The following ADAMTS12 variants were observed in gnomAD, a reference collection of about 807,000 sequenced individuals.
The protein encoded by ADAMTS12 is ADAM metallopeptidase with thrombospondin type 1 motif 12, also known as A disintegrin and metalloproteinase with thrombospondin motifs 12.
Under a neutral mutation model 167.8 loss-of-function variants are expected in ADAMTS12, and 118 were observed. The ratio of observed to expected loss-of-function variants is 0.70; its 90% CI spans 0.61 to 0.82. ADAMTS12 has a LOEUF of 0.82. Among genes scored for constraint, ADAMTS12 ranks in the 40% least tolerant of loss-of-function variants. The probability of loss-of-function intolerance (pLI) is 0.00; values close to 1 mark genes in which losing one functional copy is unlikely to be tolerated. For synonymous variants in ADAMTS12, 704 were observed against 716.9 expected, an observed-to-expected ratio of 0.98 and a Z score of 0.29; for missense variants, 1,916 against 1,998.8, an observed-to-expected ratio of 0.96 and a Z score of 0.79.
At chr5:33,756,584 C>CCGGGAAGATTTCACCCAGCACA (rs2112400548) in intron 2 of ADAMTS12, among the ~76,000 whole-genome samples, 1 of 152,204 alleles carries the variant, frequency 6.6e-6, no homozygotes, top group African/African-American at 2.4e-5. Flanking sequence ...AGTAGGACCA[C>CCGGGAAGATTTCACCCAGCACA]CGGGAAGATT....
At chr5:33,632,752 T>C (rs1426861923) in intron 12 of ADAMTS12, among the ~76,000 whole-genome samples, 1 of 152,170 alleles carries the variant, frequency 6.6e-6, no homozygotes, top group Admixed American at 6.5e-5. Flanking sequence ...AAGACTTTGG[T>C]TTAAACTTTA....
intron 3 of ADAMTS12, 126 bp from the exon 4 acceptor site, chr5:33,684,181 C>G (rs913542270): frequency 8.0e-5 from 54 of 674,264 alleles, no homozygotes; most frequent in Non-Finnish European, 1.0e-4. Flanking sequence ...AATGTTTTTA[C>G]GTACATAACC....
intron 3 of ADAMTS12, among the ~76,000 whole-genome samples, chr5:33,736,283 G>A (rs886665510): frequency 2.0e-5 from 3 of 152,014 alleles, no homozygotes; most frequent in East Asian, 1.9e-4. Flanking sequence ...GGCTGGTCTC[G>A]AACTCCTGAC....
Position 33,549,350 on chromosome 5 carries a change from G to C in ADAMTS12, c.4159C>G (p.Arg1387Gly). 2 of 1,614,060 alleles carry C rather than the reference G, an allele frequency of 1.2e-6. No individual in the cohort carries two copies. The highest frequency in any genetic ancestry group is 1.1e-5 in the South Asian group (1 of 91,080). ...SRNCSGGFKIREIQCVDSRDH... is the reference protein window; with the variant it reads ...SRNCSGGFKIGEIQCVDSRDH... ...CGGCTGTCCACGCACTGAATCTCGC[G>C]TATCTTGAAGCCCCCACTGCAGTTT... is the stretch of plus-strand genomic sequence containing the variant. Residue 1387 changes from arginine to glycine, a missense_variant, in exon 21 of 24, where the codon CGC (arginine) becomes GGC (glycine). Physicochemically the swap from Arg to Gly is moderately radical, Grantham distance 125. Coordinates refer to ENST00000504830, the MANE Select transcript of ADAMTS12 (RefSeq NM_030955.4).
At chr5:33,573,873 C>T (rs1206065422) in intron 19 of ADAMTS12, among the ~76,000 whole-genome samples, 1 of 152,170 alleles carries the variant, frequency 6.6e-6, no homozygotes, top group African/African-American at 2.4e-5. Flanking sequence ...TATCCAGAAT[C>T]TACAATGAAC....
chr5:33,756,322 T>C (rs1579909350), intron 2 of ADAMTS12, among the ~76,000 whole-genome samples: 1 of 152,320 alleles, frequency 6.6e-6, no homozygotes, highest in East Asian at 1.9e-4. Flanking sequence ...ATGGGTGCTA[T>C]GGATTCCAGC....
chr5:33,557,672 T>C (rs564211461), intron 20 of ADAMTS12, among the ~76,000 whole-genome samples: 1 of 152,040 alleles, frequency 6.6e-6, no homozygotes, highest in African/African-American at 2.4e-5. Context: ...TAATCAAGAT[T>C]TAAGTTAATA....
chr5:33,563,233 G>A (rs1426571624), intron 19 of ADAMTS12, among the ~76,000 whole-genome samples: 4 of 152,098 alleles, frequency 2.6e-5, no homozygotes, highest in African/African-American at 7.2e-5. Flanking sequence ...TAGCACTAAT[G>A]GCCTGCATCG....
intron 16 of ADAMTS12, among the ~76,000 whole-genome samples, chr5:33,602,061 A>C (rs1209179810): frequency 6.6e-6 from 1 of 152,188 alleles, no homozygotes; most frequent in East Asian, 1.9e-4. Context: ...CACAGCTCTC[A>C]TGGGTTAACA....
chr5:33,708,551 G>A (rs1743278632), intron 3 of ADAMTS12, among the ~76,000 whole-genome samples: 2 of 152,170 alleles, frequency 1.3e-5, no homozygotes, highest in Non-Finnish European at 2.9e-5. Context: ...CAACCCAAGT[G>A]CCTATCAATG....
chr5:33,705,362 C>T (rs948892844), intron 3 of ADAMTS12, among the ~76,000 whole-genome samples: 2 of 150,648 alleles, frequency 1.3e-5, no homozygotes, highest in African/African-American at 4.9e-5. Flanking sequence ...TTGCCTTTGC[C>T]CAATTTTTAA....
intron 18 of ADAMTS12, among the ~76,000 whole-genome samples, chr5:33,586,019 C>A (rs181260826): frequency 4.1e-4 from 63 of 152,246 alleles, no homozygotes; most frequent in Admixed American, 7.2e-4. Flanking sequence ...AGAAGGCTGT[C>A]AGTTCTTGGG....
intron 3 of ADAMTS12, among the ~76,000 whole-genome samples, chr5:33,693,837 G>GA (rs1158333610): frequency 1.3e-5 from 2 of 151,970 alleles, no homozygotes; most frequent in Non-Finnish European, 2.9e-5. Context: ...GCAAGAAAAA[G>GA]AAATAAAAGG....
chr5:33,644,305 ATC>A (rs966114320), intron 9 of ADAMTS12, among the ~76,000 whole-genome samples: 2 of 152,042 alleles, frequency 1.3e-5, no homozygotes, highest in African/African-American at 4.8e-5. Flanking sequence ...CATATTCCTC[ATC>A]TCTCAATCTT....
chr5:33,679,928 C>G (rs1327623661), intron 5 of ADAMTS12, among the ~76,000 whole-genome samples: 1 of 152,218 alleles, frequency 6.6e-6, no homozygotes, highest in Admixed American at 6.5e-5. Context: ...ACCTCACACT[C>G]TGCTTCCTGT....
intron 20 of ADAMTS12, among the ~76,000 whole-genome samples, chr5:33,555,514 G>T (rs912141043): frequency 6.6e-6 from 1 of 152,160 alleles, no homozygotes; most frequent in Non-Finnish European, 1.5e-5. Context: ...CTCCCAAAGT[G>T]CTGGGATTAT....
At chr5:33,637,878 G>T in intron 11 of ADAMTS12, 132 bp from the exon 12 acceptor site, 1 of 917,912 alleles carries the variant, frequency 1.1e-6, no homozygotes, top group Non-Finnish European at 1.6e-6. Flanking sequence ...TTAAATAACT[G>T]CTTCAAATTT....
At chr5:33,619,084 T>G (rs1739176891) in intron 14 of ADAMTS12, among the ~76,000 whole-genome samples, 1 of 152,174 alleles carries the variant, frequency 6.6e-6, no homozygotes, top group South Asian at 2.1e-4. Context: ...AGTTCATGGG[T>G]AGCCAGGGGC....
At chr5:33,702,403 T>C (rs944628009) in intron 3 of ADAMTS12, among the ~76,000 whole-genome samples, 32 of 152,348 alleles carry the variant, frequency 2.1e-4, no homozygotes, top group African/African-American at 7.2e-4. Flanking sequence ...ATTGTGCCCA[T>C]CTGAGTTCTC....
Sources: gnomAD v4.1 joint callset for allele counts (sites outside exome capture counted in the v4.1 genomes callset) on GRCh38, gnomAD v4.1.1 for gene constraint, MANE v1.5 for transcripts, NCBI Gene and HGNC (gene_info 2026-07-23, HGNC 2026-07-21) for gene names.